AMBRA1: variants seen among roughly 807,000 people sequenced by gnomAD.
AMBRA1 encodes autophagy and beclin 1 regulator 1, also known as activating molecule in BECN1-regulated autophagy protein 1.
A neutral mutation model predicts 125.4 loss-of-function variants in AMBRA1; 47 were observed. The ratio of observed to expected loss-of-function variants is 0.37; its 90% CI spans 0.30 to 0.48. The LOEUF is 0.48. Ranked by LOEUF, AMBRA1 falls within the 20% of genes least tolerant of loss-of-function variation. The pLI is 0.99. For missense variants in AMBRA1, 1,331 were observed against 1,693.4 expected, an observed-to-expected ratio of 0.79 and a Z score of 3.76; for synonymous variants, 626 against 655.5, an observed-to-expected ratio of 0.95 and a Z score of 0.69.
rs996465863 is a variant in AMBRA1, at chr11:46,568,894, C to T, written c.-120-20394G>A. On this transcript the variant is annotated intron_variant, in intron 1 of 17. Transcript: ENST00000683756. ...CCATCTCAGCTCACTGCAACCTCCG[C>T]CTCCCAGGTTCAATCGATTCTCCTG... Among the ~76,000 whole-genome samples the T allele has an allele frequency of 3.3e-5, 5 of 150,402 alleles. No individual in the cohort carries two copies. The South Asian group carries it at 1.1e-3, about 32-fold the overall frequency.
intron 12 of AMBRA1, among the ~76,000 whole-genome samples, chr11:46,442,773 T>C (rs186156474): frequency 6.6e-6 from 1 of 152,332 alleles, no homozygotes; most frequent in East Asian, 1.9e-4. Flanking sequence ...TTAATTATTT[T>C]AAGGCAACTG....
chr11:46,448,024 A>G (rs1341489689), intron 11 of AMBRA1, among the ~76,000 whole-genome samples: 1 of 152,214 alleles, frequency 6.6e-6, no homozygotes, highest in East Asian at 1.9e-4. Flanking sequence ...TACTACTTAC[A>G]TCAGCATCAA....
intron 7 of AMBRA1, among the ~76,000 whole-genome samples, chr11:46,532,876 C>T (rs1952281213): frequency 6.6e-6 from 1 of 152,258 alleles, no homozygotes; most frequent in South Asian, 2.1e-4. Flanking sequence ...CGCTCATACT[C>T]TTGGGCACTA....
chr11:46,469,269 C>T (rs1949470872), intron 11 of AMBRA1, among the ~76,000 whole-genome samples: 1 of 152,096 alleles, frequency 6.6e-6, no homozygotes, highest in African/African-American at 2.4e-5. Context: ...CTCTCCAGCT[C>T]CTAATCTTCC....
Position 46,417,784 on chromosome 11 carries a change from G to T in AMBRA1, c.3116+129C>A, listed in dbSNP as rs1946609961. On this transcript the variant is annotated intron_variant, in intron 15 of 17. Coordinates refer to ENST00000683756, the MANE Select transcript of AMBRA1 (RefSeq NM_001387011.1). ...GTGGGAAGAGGGCCCTTTAAGGAGT[G>T]GCGCTGAGAATGAGGCAGGCTCTAG... 3.5e-6 allele frequency: 4 copies of T among 1,135,792 alleles called. No individual in the cohort carries two copies. The South Asian group carries it at 1.1e-4, about 32-fold the overall frequency. The allele number at this position is 1,135,792 out of a possible 1,614,324, so 70.4% of individuals were successfully genotyped here.
chr11:46,478,078 G>A (rs1471536676), intron 11 of AMBRA1, among the ~76,000 whole-genome samples: 1 of 151,800 alleles, frequency 6.6e-6, no homozygotes, highest in Non-Finnish European at 1.5e-5. Context: ...TATGTGACCT[G>A]AGGCCCAATC....
At chr11:46,587,846 C>G (rs1203594500) in intron 1 of AMBRA1, among the ~76,000 whole-genome samples, 2 of 152,106 alleles carry the variant, frequency 1.3e-5, no homozygotes, top group Non-Finnish European at 2.9e-5. Flanking sequence ...GATGAACAAA[C>G]ATCTTCATAG....
At chr11:46,554,187 A>G (rs1291082291) in intron 1 of AMBRA1, among the ~76,000 whole-genome samples, 2 of 152,186 alleles carry the variant, frequency 1.3e-5, no homozygotes, top group Non-Finnish European at 2.9e-5. Context: ...TAACAGTGCA[A>G]TATAAAGGCA....
Position 46,545,701 on chromosome 11 carries a change from G to A in AMBRA1, c.454C>T (p.Leu152=). The A allele has an allele frequency of 6.2e-7, 1 of 1,614,214 alleles. No homozygotes were observed. The highest frequency in any genetic ancestry group is 8.5e-7 in the Non-Finnish European group (1 of 1,180,028). The part of the protein sequence containing the change: ...SLAFHPTAQL[L]LIATANEIHF... The stretch of plus-strand genomic sequence containing the variant: ...ATCTCATTGGCAGTGGCAATCAGCA[G>A]GAGCTGAGCCGTAGGGTGGAAAGCC... The change falls in exon 5 of 18, where the codon CTG becomes TTG. Residue 152 remains leucine, a synonymous_variant. Coordinates refer to ENST00000683756, the MANE Select transcript of AMBRA1 (RefSeq NM_001387011.1).
intron 1 of AMBRA1, among the ~76,000 whole-genome samples, chr11:46,567,656 C>T (rs1364022309): frequency 6.6e-6 from 1 of 152,116 alleles, no homozygotes; most frequent in Admixed American, 6.6e-5. Context: ...CCACCGTGCC[C>T]AGCCTTTTAA....
intron 1 of AMBRA1, among the ~76,000 whole-genome samples, chr11:46,555,913 T>C (rs2043145246): frequency 6.6e-6 from 1 of 152,246 alleles, no homozygotes; most frequent in Admixed American, 6.5e-5. Flanking sequence ...ACTGCATCTC[T>C]CTTCCACTTC....
At chr11:46,587,032 G>A (rs2044427112) in intron 1 of AMBRA1, among the ~76,000 whole-genome samples, 1 of 152,168 alleles carries the variant, frequency 6.6e-6, no homozygotes, top group African/African-American at 2.4e-5. Flanking sequence ...CTAGAGAGTA[G>A]AAATAAGTGA....
intron 14 of AMBRA1, chr11:46,428,933 T>G: frequency 6.2e-7 from 1 of 1,612,122 alleles, no homozygotes. Flanking sequence ...GATACCCTCA[T>G]TGGTAAGGTA....
In AMBRA1 at chr11:46,397,430, C is replaced by A. The variant is rs762975319; in HGVS notation, c.*20G>T. On this transcript the variant is annotated 3_prime_UTR_variant, in exon 18 of 18. Transcript: ENST00000683756. ...TTCTGCTTGGCGGTTCGAGGGGAGG[C>A]ACCAGTGCAACGTTTGTCTCTACCT... 9 of 1,473,300 alleles carry A rather than the reference C, an allele frequency of 6.1e-6. No homozygotes were observed. In the East Asian group the frequency reaches 1.7e-4, roughly 27 times the overall value. The allele number at this position is 1,473,300 out of a possible 1,614,324, so 91.3% of individuals were successfully genotyped here. A position where few individuals can be genotyped will look rare whatever the true frequency, so the allele number is the denominator to read the frequency against.
At chr11:46,571,239 A>G (rs58634563) in intron 1 of AMBRA1, among the ~76,000 whole-genome samples, 2,067 of 152,284 alleles carry the variant, frequency 0.014, 54 homozygotes, top group African/African-American at 0.048. Flanking sequence ...TTGCCAGCTC[A>G]AGTCAGCACA....
Position 46,546,076 on chromosome 11 carries a change from C to T in AMBRA1, c.379-300G>A, listed in dbSNP as rs1591084152. On this transcript the variant is annotated intron_variant, in intron 4 of 17. Transcript: ENST00000683756. ...TTTGACAGGGGGTTTCATTCTGTCA[C>T]CCAGGCTGGAGTGCAGTGGCACAAT... 23 of 204,514 alleles carry T rather than the reference C, an allele frequency of 1.1e-4. No individual in the cohort carries two copies. In the South Asian group the frequency reaches 1.8e-3, roughly 16 times the overall value. The allele number at this position is 204,514 out of a possible 1,614,324, so 12.7% of individuals were successfully genotyped here.
At chr11:46,435,720 A>C (rs1196133520) in intron 12 of AMBRA1, among the ~76,000 whole-genome samples, 2 of 152,228 alleles carry the variant, frequency 1.3e-5, no homozygotes, top group Non-Finnish European at 1.5e-5. Flanking sequence ...CCTAGTCTGC[A>C]CTTTGCAGCT....
At chr11:46,550,466 C>A (rs774119304) in intron 1 of AMBRA1, among the ~76,000 whole-genome samples, 18 of 152,166 alleles carry the variant, frequency 1.2e-4, no homozygotes, top group Non-Finnish European at 2.4e-4. Flanking sequence ...AATTAGCAAT[C>A]TGTGGCAATT....
At chr11:46,502,543 T>C (rs529368889) in intron 9 of AMBRA1, among the ~76,000 whole-genome samples, 3 of 152,168 alleles carry the variant, frequency 2.0e-5, no homozygotes, top group South Asian at 2.1e-4. Context: ...TATTAGAGAG[T>C]AGTCACTGAT....
Sources: gnomAD v4.1 joint callset for allele counts (sites outside exome capture counted in the v4.1 genomes callset) on GRCh38, gnomAD v4.1.1 for gene constraint, MANE v1.5 for transcripts, NCBI Gene and HGNC (gene_info 2026-07-23, HGNC 2026-07-21) for gene names.